FZR1: variants seen among roughly 807,000 people sequenced by gnomAD.
FZR1 encodes the protein fizzy and cell division cycle 20 related 1.
In FZR1, 11 loss-of-function variants were observed where a neutral mutation model predicts 63.6. The observed-to-expected ratio is 0.17, with a 90% CI of 0.11 to 0.29. The LOEUF (loss-of-function observed/expected upper bound fraction) is 0.29, where lower values mean the gene tolerates loss of function less well. Ranked by LOEUF, FZR1 falls within the 10% of genes least tolerant of loss-of-function variation. FZR1 has a pLI of 1.00. For missense variants in FZR1, 440 were observed against 687.5 expected, an observed-to-expected ratio of 0.64 and a Z score of 4.03; for synonymous variants, 328 against 297.9, an observed-to-expected ratio of 1.10 and a Z score of -1.04.
intron 1 of FZR1, among the ~76,000 whole-genome samples, chr19:3,510,987 C>T (rs1453192370): frequency 6.6e-6 from 1 of 152,268 alleles, no homozygotes; most frequent in Non-Finnish European, 1.5e-5. Flanking sequence ...GCTACCGCCT[C>T]ACCTCGCCTG....
intron 1 of FZR1, among the ~76,000 whole-genome samples, chr19:3,511,002 C>A (rs2083020879): frequency 6.6e-6 from 1 of 152,238 alleles, no homozygotes; most frequent in African/African-American, 2.4e-5. Context: ...CGCCTGGGAC[C>A]CGTGGGTGGG....
At position 3,524,499 on chromosome 19, in the gene FZR1, C is replaced by T. The variant is rs2083133203; in HGVS notation, c.70-1369C>T. Among the ~76,000 whole-genome samples, 4 of 152,344 alleles carry T rather than the reference C, an allele frequency of 2.6e-5. No individual in the cohort carries two copies. The South Asian group carries it at 8.3e-4, about 32-fold the overall frequency. On this transcript the variant is annotated intron_variant, in intron 2 of 13. Transcript: ENST00000441788. ...TGTGGAGAGACAGCCCTGGAACCCTCCAAAGTGTCAAGGCCATGACTGCGT... is the reference window on the plus strand; with the variant it reads ...TGTGGAGAGACAGCCCTGGAACCCTTCAAAGTGTCAAGGCCATGACTGCGT...
At chr19:3,520,479 G>A (rs1364992893) in intron 1 of FZR1, among the ~76,000 whole-genome samples, 3 of 152,212 alleles carry the variant, frequency 2.0e-5, no homozygotes, top group East Asian at 3.8e-4. Context: ...CTCTGCCTTC[G>A]TGTCCTCATC....
chr19:3,510,581 T>G (rs1202216296), intron 1 of FZR1, among the ~76,000 whole-genome samples: 1 of 152,190 alleles, frequency 6.6e-6, no homozygotes, highest in African/African-American at 2.4e-5. Flanking sequence ...TGCAGGCCAC[T>G]GGGTCGGTGG....
At chr19:3,531,580 G>A (rs1179367857) in intron 8 of FZR1, 134 bp from the exon 9 acceptor site, 26 of 629,284 alleles carry the variant, frequency 4.1e-5, no homozygotes, top group Middle Eastern at 4.2e-4. Context: ...CCGAAGGGAC[G>A]TGCATTCGAG....
intron 7 of FZR1, among the ~76,000 whole-genome samples, chr19:3,529,299 TGAGTGGATGGGA>T (rs1338132725): frequency 9.5e-6 from 1 of 105,280 alleles, no homozygotes; most frequent in Non-Finnish European, 1.9e-5. Context: ...AGTGGATGGT[TGAGTGGATGGGA>T]GAGCGGATGG....
Position 3,530,435 on chromosome 19 carries a change from GATGGGAGAGCGC to G in FZR1, c.655-340_655-329del, listed in dbSNP as rs1370369566. Among the ~76,000 whole-genome samples, 73 of 74,000 alleles carry G rather than the reference GATGGGAGAGCGC, an allele frequency of 9.9e-4. 6 individuals carry two copies. Among genetic ancestry groups the G allele is most frequent in the South Asian group, 5.6e-3 (11 of 1,952 alleles). 48.5% of individuals were successfully genotyped at this position (74,000 alleles called of 152,430 possible). On this transcript the variant is annotated intron_variant, in intron 7 of 13. Transcript: ENST00000441788. ...GCATGGGAGAGCGCATGGGAGAGCG[GATGGGAGAGCGC>G]ATGGGAGAGCGCATGGATGAGCGCA...
chr19:3,519,726 G>A (rs1014776186), intron 1 of FZR1, among the ~76,000 whole-genome samples: 13 of 152,198 alleles, frequency 8.5e-5, no homozygotes, highest in African/African-American at 2.7e-4. Context: ...CTGCACTTCC[G>A]ACGGAGACTC....
At position 3,536,094 on chromosome 19, in the gene FZR1, G is replaced by A. The variant is rs2029950981; in HGVS notation, c.*1258G>A. ...CCCACCCACCACCCTGCTGTGCTTG[G>A]GAACCCCCACTCCCCACTCCCCACA... On this transcript the variant is annotated 3_prime_UTR_variant, in exon 14 of 14. Coordinates refer to ENST00000441788, the MANE Select transcript of FZR1 (RefSeq NM_016263.4). 1 of 152,152 alleles carries A rather than the reference G, an allele frequency of 6.6e-6. No individual in the cohort carries two copies. The highest frequency in any genetic ancestry group is 1.5e-5 in the Non-Finnish European group (1 of 68,038). The allele number at this position is 152,152 out of a possible 1,614,324, so 9.4% of individuals were successfully genotyped here. A position where few individuals can be genotyped will look rare whatever the true frequency, so the allele number is the denominator to read the frequency against.
intron 11 of FZR1, 148 bp downstream of exon 11, chr19:3,532,798 G>C (rs1198782037): frequency 1.5e-6 from 1 of 660,322 alleles, no homozygotes; most frequent in Non-Finnish European, 2.7e-6. Context: ...GGGAGGCAGG[G>C]AGTTGTGGGG....
intron 8 of FZR1, among the ~76,000 whole-genome samples, chr19:3,531,117 G>A (rs993342788): frequency 1.3e-5 from 2 of 152,122 alleles, no homozygotes; most frequent in Non-Finnish European, 2.9e-5. Context: ...CATGGGACCT[G>A]CCCACCTGGG....
At position 3,522,942 on chromosome 19, in the gene FZR1, C is replaced by T. The variant is rs1041747157; in HGVS notation, c.-34-14C>T. The T allele has an allele frequency of 6.5e-6, 9 of 1,376,922 alleles. No homozygotes were observed. The highest frequency in any genetic ancestry group is 1.4e-5 in the African/African-American group (1 of 70,394). 85.3% of individuals were successfully genotyped at this position (1,376,922 alleles called of 1,614,324 possible). On this transcript the variant is annotated splice_polypyrimidine_tract_variant and intron_variant, in intron 1 of 13. Coordinates refer to ENST00000441788, the MANE Select transcript of FZR1 (RefSeq NM_016263.4). ...GCCCTGCCCCACTCACCTCTCCTGC[C>T]CTTCCCGCTGCAGGCTAACCTTGCC...
At chr19:3,506,915 C>T (rs974740943) in intron 1 of FZR1, among the ~76,000 whole-genome samples, 2 of 152,184 alleles carry the variant, frequency 1.3e-5, no homozygotes, top group Non-Finnish European at 2.9e-5. Context: ...CAGTTCAGAC[C>T]CTCCCAGCTT....
At chr19:3,528,138 G>A (rs1284718887) in intron 7 of FZR1, among the ~76,000 whole-genome samples, 1 of 152,244 alleles carries the variant, frequency 6.6e-6, no homozygotes, top group South Asian at 2.1e-4. Context: ...TCTCTGTTCA[G>A]CTCTATAGAG....
rs2083055823 is a variant in FZR1 at position 3,515,942 on chromosome 19, G to T, written c.-34-7014G>T. Among the ~76,000 whole-genome samples, 1 of 152,072 alleles carries T rather than the reference G, an allele frequency of 6.6e-6. No homozygotes were observed. Among genetic ancestry groups the T allele is most frequent in the Non-Finnish European group, 1.5e-5 (1 of 68,028 alleles). On this transcript the variant is annotated intron_variant, in intron 1 of 13. Transcript: ENST00000441788. This position sits in a 1 kb window ranked among gnomAD's most constrained non-coding sequence, Gnocchi z 4.6. The stretch of plus-strand genomic sequence containing the variant: ...GCATGGCCATTTTTCTGTGCAGTGG[G>T]TCTCACAGCCTCTTCCGCTCCCTGT...
At position 3,526,923 on chromosome 19, in the gene FZR1, C is replaced by A; in HGVS notation, c.388-57C>A. 8.2e-7 allele frequency: 1 copy of A among 1,223,254 alleles called. No individual in the cohort carries two copies. Among genetic ancestry groups the A allele is most frequent in the Non-Finnish European group, 1.2e-6 (1 of 832,320 alleles). The allele number at this position is 1,223,254 out of a possible 1,614,324, so 75.8% of individuals were successfully genotyped here. ...ACCGGGAGCGTGGGCTGCTGGGGGG[C>A]TCTGAGGGTCCTGCGGCCTGGGCGT... is the stretch of plus-strand genomic sequence containing the variant. On this transcript the variant is annotated intron_variant, in intron 5 of 13. Coordinates refer to ENST00000441788, the MANE Select transcript of FZR1 (RefSeq NM_016263.4). This position sits in a 1 kb window ranked among gnomAD's most constrained non-coding sequence, Gnocchi z 5.4.
At position 3,534,899 on chromosome 19, in the gene FZR1, T is replaced by C; in HGVS notation, c.*63T>C. On this transcript the variant is annotated 3_prime_UTR_variant, in exon 14 of 14. Coordinates refer to ENST00000441788, the MANE Select transcript of FZR1 (RefSeq NM_016263.4). Reference sequence around the variant, plus strand: ...AGTCGGAGGACCCCAGCTCCTCAGCTTGCATGGACTCTGCCTTCCCAGCGC... The same window carrying C: ...AGTCGGAGGACCCCAGCTCCTCAGCCTGCATGGACTCTGCCTTCCCAGCGC... The C allele has an allele frequency of 7.6e-7, 1 of 1,309,368 alleles. No homozygotes were observed. Among genetic ancestry groups the C allele is most frequent in the Non-Finnish European group, 1.1e-6 (1 of 907,592 alleles). 81.1% of individuals were successfully genotyped at this position (1,309,368 alleles called of 1,614,324 possible). A position where few individuals can be genotyped will look rare whatever the true frequency, so the allele number is the denominator to read the frequency against.
chr19:3,527,017 G>A lies in FZR1; in HGVS notation c.425G>A (p.Gly142Asp), dbSNP rs1834086518. The A allele has an allele frequency of 1.9e-6, 3 of 1,612,456 alleles. No homozygotes were observed. The highest frequency in any genetic ancestry group is 2.5e-6 in the Non-Finnish European group (3 of 1,179,690). The change falls in exon 6 of 14, where the codon GGC becomes GAC. Residue 142 changes from glycine to aspartate, a missense_variant. By Grantham distance (94) the Gly-to-Asp change is moderately conservative (BLOSUM62 -1). Transcript: ENST00000441788. ...ACCAAGCGCTCCAGCCCCGATGACG[G>A]CAACGATGTGTCTCCCTACTCCCTG... ...LSTKRSSPDD[G>D]NDVSPYSLSP...
chr19:3,530,872 C>T lies in FZR1; in HGVS notation c.720+15C>T. The T allele has an allele frequency of 6.2e-7, 1 of 1,603,824 alleles. No homozygotes were observed. The highest frequency in any genetic ancestry group is 8.5e-7 in the Non-Finnish European group (1 of 1,172,364). On this transcript the variant is annotated intron_variant, in intron 8 of 13. Transcript: ENST00000441788. ...GGTCTGAGCGGGTGAGTGCAGAGGGCTTGGCCCCCACCTGGGAGATCTGAT... is the reference window on the plus strand; with the variant it reads ...GGTCTGAGCGGGTGAGTGCAGAGGGTTTGGCCCCCACCTGGGAGATCTGAT...
Sources: gnomAD v4.1 joint callset for allele counts (sites outside exome capture counted in the v4.1 genomes callset) on GRCh38, gnomAD v4.1.1 for gene constraint, Gnocchi (gnomAD v3.1) non-coding constraint, MANE v1.5 for transcripts, NCBI Gene and HGNC (gene_info 2026-07-23, HGNC 2026-07-21) for gene names.